Variants in UTRN observed in about 807,000 individuals in gnomAD.
The protein encoded by UTRN is dystrophin-related protein 1.
Under a neutral mutation model 463.9 loss-of-function variants are expected in UTRN, and 283 were observed. That is an observed-to-expected ratio of 0.61 (90% confidence interval 0.55 to 0.67). The LOEUF is 0.67. Among genes scored for constraint, UTRN ranks in the 30% least tolerant of loss-of-function variants. The pLI, the probability that UTRN is intolerant of heterozygous loss-of-function variation, is 0.00. For synonymous variants in UTRN, 1,442 were observed against 1,431.5 expected (o/e 1.01, Z -0.17); for missense variants, 3,922 against 4,084.3 (o/e 0.96, Z 1.08).
At chr6:144,806,581 TC>T (rs1345079013) in intron 65 of UTRN, among the ~76,000 whole-genome samples, 2 of 102,136 alleles carry the variant, frequency 2.0e-5, no homozygotes, top group African/African-American at 6.7e-5. Context: ...TTAATGTCTT[TC>T]CATTCATTCT....
intron 45 of UTRN, 67 bp downstream of exon 45, chr6:144,539,510 A>C: frequency 4.1e-6 from 6 of 1,467,978 alleles, no homozygotes; most frequent in Non-Finnish European, 5.4e-6. Flanking sequence ...ATGTGGGATC[A>C]TGTAACTGCT....
rs890665041 is a variant in UTRN, at chr6:144,389,604, T to A, written c.80-13519T>A. Among the ~76,000 whole-genome samples, 4 of 151,698 alleles carry A rather than the reference T, an allele frequency of 2.6e-5. No homozygotes were observed. In the East Asian group the frequency reaches 7.9e-4, roughly 30 times the overall value. ...CCCTTTCTCCTTCATTACTCTTTTTTTTTTCCCCCCCTGAGACGGGGTCTG... is the reference window on the plus strand; with the variant it reads ...CCCTTTCTCCTTCATTACTCTTTTTATTTTCCCCCCCTGAGACGGGGTCTG... On this transcript the variant is annotated intron_variant, in intron 2 of 74. Transcript: ENST00000367545.
chr6:144,774,713 G>T (rs964326137), intron 60 of UTRN, among the ~76,000 whole-genome samples: 6 of 152,158 alleles, frequency 3.9e-5, no homozygotes, highest in Non-Finnish European at 8.8e-5. Flanking sequence ...GCAATGTAGA[G>T]TTCCAGTTTG....
intron 51 of UTRN, among the ~76,000 whole-genome samples, chr6:144,617,951 C>G (rs1333036655): frequency 1.3e-5 from 2 of 152,116 alleles, no homozygotes; most frequent in Middle Eastern, 3.2e-3. Flanking sequence ...ATCAAAAAAG[C>G]CATCCCTCGA....
intron 53 of UTRN, chr6:144,708,269 G>T: frequency 1.5e-6 from 1 of 651,226 alleles, no homozygotes; most frequent in South Asian, 1.4e-5. Flanking sequence ...ACTTGGAATT[G>T]CAATAGAGTT....
chr6:144,511,161 C>G, intron 35 of UTRN, 38 bp downstream of exon 35: 1 of 1,433,210 alleles, frequency 7.0e-7, no homozygotes, highest in Non-Finnish European at 9.3e-7. Context: ...AAATCTTCTC[C>G]TCTCTTCTAG....
intron 2 of UTRN, among the ~76,000 whole-genome samples, chr6:144,300,404 T>G (rs746559094): frequency 6.6e-6 from 1 of 152,192 alleles, no homozygotes; most frequent in Non-Finnish European, 1.5e-5. Context: ...GTGATATCCT[T>G]ATATTCAGTT....
Position 144,539,430 on chromosome 6 carries a change from T to C in UTRN, c.6506T>C (p.Met2169Thr). Residue 2169 changes from methionine (M) to threonine (T), a missense_variant, in exon 45 of 75, where the codon ATG becomes ACG. Physicochemically the swap from Met to Thr is moderately conservative, Grantham distance 81. This residue lies in a region of UTRN where 2,349 missense variants were observed against 2,303.8 expected (regional missense o/e 1.02). Coordinates refer to ENST00000367545, the MANE Select transcript of UTRN (RefSeq NM_007124.3). ...KISESLRTVN[M>T]TWNKICREVP... ...TCAGAAAGCTTAAGGACTGTAAATATGACATGGAATAAGGTGTGTGTAAAG... is the reference window on the plus strand; with the variant it reads ...TCAGAAAGCTTAAGGACTGTAAATACGACATGGAATAAGGTGTGTGTAAAG... 1.2e-6 allele frequency: 2 copies of C among 1,607,144 alleles called. No individual in the cohort carries two copies.
intron 61 of UTRN, 135 bp downstream of exon 61, chr6:144,782,258 T>TA: frequency 2.7e-6 from 2 of 730,300 alleles, no homozygotes; most frequent in South Asian, 4.6e-5. Context: ...ATGTTTGTTG[T>TA]TGAAACTGAA....
At chr6:144,402,387 T>A (rs1219296890) in intron 2 of UTRN, among the ~76,000 whole-genome samples, 1 of 152,244 alleles carries the variant, frequency 6.6e-6, no homozygotes, top group Non-Finnish European at 1.5e-5. Flanking sequence ...TTTCTCTTTT[T>A]GTTAGCCACA....
intron 51 of UTRN, among the ~76,000 whole-genome samples, chr6:144,665,710 T>C (rs955226110): frequency 6.6e-6 from 1 of 152,266 alleles, no homozygotes; most frequent in Non-Finnish European, 1.5e-5. Flanking sequence ...TGAGCTTTTG[T>C]AGCCATCTTC....
intron 58 of UTRN, among the ~76,000 whole-genome samples, chr6:144,766,135 C>CCACACA (rs1419005953): frequency 6.6e-6 from 1 of 151,430 alleles, no homozygotes; most frequent in Non-Finnish European, 1.5e-5. Context: ...ACACCCACAC[C>CCACACA]CACACACACA....
chr6:144,634,371 T>C (rs1336051141), intron 51 of UTRN, among the ~76,000 whole-genome samples: 1 of 152,170 alleles, frequency 6.6e-6, no homozygotes, highest in Non-Finnish European at 1.5e-5. Flanking sequence ...CCATCCCTGG[T>C]TAGCGTTGCC....
At chr6:144,803,184 G>A in intron 65 of UTRN, 37 bp downstream of exon 65, 1 of 1,265,426 alleles carries the variant, frequency 7.9e-7, no homozygotes, top group Non-Finnish European at 1.1e-6. Context: ...TTAATACATT[G>A]CCATTGAATT....
At chr6:144,750,041 T>C (rs1297787265) in intron 55 of UTRN, among the ~76,000 whole-genome samples, 1 of 152,196 alleles carries the variant, frequency 6.6e-6, no homozygotes, top group Non-Finnish European at 1.5e-5. Context: ...AGAATATTAA[T>C]GCATATAGCT....
At chr6:144,521,875 A>G (rs947446597) in intron 39 of UTRN, 105 bp from the exon 40 acceptor site, 10 of 741,030 alleles carry the variant, frequency 1.3e-5, no homozygotes, top group Non-Finnish European at 1.8e-5. Flanking sequence ...AATTTGGTTC[A>G]TGATATTGCA....
chr6:144,759,641 A>G (rs78752696), intron 58 of UTRN, among the ~76,000 whole-genome samples: 1,888 of 152,222 alleles, frequency 0.012, 41 homozygotes, highest in African/African-American at 0.04. Context: ...GATGGGCTTA[A>G]TGTAATCCCA....
chr6:144,383,572 T>G (rs1232155907), intron 2 of UTRN, among the ~76,000 whole-genome samples: 1 of 152,208 alleles, frequency 6.6e-6, no homozygotes, highest in Non-Finnish European at 1.5e-5. Flanking sequence ...GAAATAATAG[T>G]TCTCCTGGGT....
rs200339706 is a variant in UTRN, at chr6:144,542,757, G to A, written c.6520-38G>A. 583 of 1,585,846 alleles carry A rather than the reference G, an allele frequency of 3.7e-4. 4 individuals carry two copies. In the African/African-American group the frequency reaches 6.1e-3, roughly 17 times the overall value. ...TTGAACTACAGTCATCTTTATTTAC[G>A]TAGTATTCTTCTCTTTCTGTTTGTC... On this transcript the variant is annotated intron_variant, in intron 45 of 74. Coordinates refer to ENST00000367545, the MANE Select transcript of UTRN (RefSeq NM_007124.3).
Sources: allele counts gnomAD v4.1 joint callset (sites outside exome capture counted in the v4.1 genomes callset), GRCh38; gene constraint gnomAD v4.1.1; regional missense constraint gnomAD v4.1.1; transcripts MANE v1.5; gene names NCBI Gene and HGNC (gene_info 2026-07-23, HGNC 2026-07-21).